Variants in FAM117B observed in about 807,000 individuals in gnomAD.
FAM117B encodes the protein protein FAM117B.
FAM117B carries 22 observed loss-of-function variants against 52.8 expected under a neutral mutation model. The observed-to-expected ratio is 0.42, with a 90% CI of 0.30 to 0.59. The LOEUF (loss-of-function observed/expected upper bound fraction) is 0.59, where lower values mean the gene tolerates loss of function less well. Among genes scored for constraint, FAM117B ranks in the 20% least tolerant of loss-of-function variants. The pLI, the probability that FAM117B is intolerant of heterozygous loss-of-function variation, is 0.22. For synonymous variants in FAM117B, 309 were observed against 324.1 expected (o/e 0.95, Z 0.50); for missense variants, 678 against 802.6 (o/e 0.84, Z 1.88).
chr2:202,758,558 T>G (rs1283933252), intron 6 of FAM117B, among the ~76,000 whole-genome samples: 1 of 152,214 alleles, frequency 6.6e-6, no homozygotes, highest in Non-Finnish European at 1.5e-5. Flanking sequence ...GCTTAGCTGG[T>G]ACAGACTGAA....
intron 2 of FAM117B, among the ~76,000 whole-genome samples, chr2:202,719,727 T>C (rs1173662954): frequency 6.6e-6 from 1 of 152,194 alleles, no homozygotes; most frequent in African/African-American, 2.4e-5. Context: ...TGTAGCAATT[T>C]CCCCTGTAAG....
intron 1 of FAM117B, among the ~76,000 whole-genome samples, chr2:202,641,367 G>C (rs1184692044): frequency 6.6e-6 from 1 of 152,188 alleles, no homozygotes; most frequent in Admixed American, 6.5e-5. Context: ...AGTAGAGAAA[G>C]AAGGGAGAGA....
intron 2 of FAM117B, among the ~76,000 whole-genome samples, chr2:202,702,342 G>A (rs1295892146): frequency 1.3e-5 from 2 of 151,974 alleles, no homozygotes; most frequent in East Asian, 3.9e-4. Flanking sequence ...TGTGAGCTGA[G>A]ATCACACCAT....
At position 202,768,134 on chromosome 2, in the gene FAM117B, T is replaced by C. The variant is rs1347482489; in HGVS notation, c.*2370T>C. The stretch of plus-strand genomic sequence containing the variant: ...GATGACTTGAATTCTGTTAAATCTG[T>C]GTTCTTGGCCTTGCACTTCCGTTCC... On this transcript the variant is annotated 3_prime_UTR_variant, in exon 8 of 8. Coordinates refer to ENST00000392238, the MANE Select transcript of FAM117B (RefSeq NM_173511.4). 2 of 152,216 alleles carry C rather than the reference T, an allele frequency of 1.3e-5. No homozygotes were observed. Among genetic ancestry groups the C allele is most frequent in the Non-Finnish European group, 2.9e-5 (2 of 68,028 alleles). 9.4% of individuals were successfully genotyped at this position (152,216 alleles called of 1,614,324 possible).
intron 1 of FAM117B, among the ~76,000 whole-genome samples, chr2:202,663,664 A>G (rs1183726684): frequency 2.0e-5 from 3 of 151,172 alleles, no homozygotes; most frequent in Non-Finnish European, 2.9e-5. Context: ...GCTCACTGCA[A>G]CCTCTGCCTC....
intron 3 of FAM117B, chr2:202,725,221 C>T: frequency 1.5e-5 from 5 of 325,704 alleles, no homozygotes; most frequent in South Asian, 1.9e-4. Context: ...GTATGTTTGT[C>T]TTTTTTTAGG....
At chr2:202,701,846 G>A (rs919428932) in intron 2 of FAM117B, among the ~76,000 whole-genome samples, 2 of 152,166 alleles carry the variant, frequency 1.3e-5, no homozygotes, top group Non-Finnish European at 2.9e-5. Flanking sequence ...AAATAAAGTG[G>A]TTTCTTGAGA....
intron 4 of FAM117B, among the ~76,000 whole-genome samples, chr2:202,746,685 T>C (rs1691638580): frequency 6.6e-6 from 1 of 151,946 alleles, no homozygotes; most frequent in East Asian, 1.9e-4. Context: ...CCTACCAAGA[T>C]TGAACCAGGA....
Position 202,744,699 on chromosome 2 carries a change from A to G in FAM117B, c.961-10839A>G, listed in dbSNP as rs957285582. 2.6e-5 allele frequency among the ~76,000 whole-genome samples: 4 copies of G among 152,310 alleles called. 1 individual carries two copies. Among genetic ancestry groups the G allele is most frequent in the Middle Eastern group, 6.8e-3 (2 of 294 alleles). ...AAAAATAAAGGAAAGTTGGCTGGGCATGGTGGCTCACGCTTGTAAATCCCA... is the reference window on the plus strand; with the variant it reads ...AAAAATAAAGGAAAGTTGGCTGGGCGTGGTGGCTCACGCTTGTAAATCCCA... On this transcript the variant is annotated intron_variant, in intron 4 of 7. Transcript: ENST00000392238.
chr2:202,729,911 T>C (rs1054695461), intron 4 of FAM117B, among the ~76,000 whole-genome samples: 1 of 152,186 alleles, frequency 6.6e-6, no homozygotes, highest in Non-Finnish European at 1.5e-5. Flanking sequence ...TATTTCATAA[T>C]GGTCATTATG....
chr2:202,635,295 G>A lies in FAM117B; in HGVS notation c.108G>A (p.Arg36=). The A allele has an allele frequency of 7.0e-7, 1 of 1,419,826 alleles. No individual in the cohort carries two copies. The highest frequency in any genetic ancestry group is 1.4e-5 in the South Asian group (1 of 70,124). The allele number at this position is 1,419,826 out of a possible 1,614,324, so 88.0% of individuals were successfully genotyped here. The change falls in exon 1 of 8, where the codon AGG becomes AGA. Residue 36 remains arginine (R), a synonymous_variant. Coordinates refer to ENST00000392238, the MANE Select transcript of FAM117B (RefSeq NM_173511.4). ...GGPGSRLQPM[R]ATVPFQLKQQ... Reference sequence around the variant, plus strand: ...CCGGGAGCCGCTTGCAGCCCATGAGGGCGACGGTTCCGTTCCAGCTGAAGC... The same window carrying A: ...CCGGGAGCCGCTTGCAGCCCATGAGAGCGACGGTTCCGTTCCAGCTGAAGC...
At chr2:202,758,556 G>T (rs1222584844) in intron 6 of FAM117B, among the ~76,000 whole-genome samples, 1 of 152,058 alleles carries the variant, frequency 6.6e-6, no homozygotes, top group Non-Finnish European at 1.5e-5. Flanking sequence ...TAGCTTAGCT[G>T]GTACAGACTG....
chr2:202,653,994 A>G (rs1345067653), intron 1 of FAM117B, among the ~76,000 whole-genome samples: 1 of 151,582 alleles, frequency 6.6e-6, no homozygotes, highest in African/African-American at 2.4e-5. Context: ...ACAGAGGTAG[A>G]CTCGTGATTG....
rs1271107708 is a variant in FAM117B at position 202,768,238 on chromosome 2, C to G, written c.*2474C>G. The stretch of plus-strand genomic sequence containing the variant: ...CTCTGTAGAGGTTTTCCCTTTTGCT[C>G]TGTTGTGCCTATTTGTCTAATTCAT... On this transcript the variant is annotated 3_prime_UTR_variant, in exon 8 of 8. Transcript: ENST00000392238. 1 of 152,140 alleles carries G rather than the reference C, an allele frequency of 6.6e-6. No homozygotes were observed. The highest frequency in any genetic ancestry group is 1.5e-5 in the Non-Finnish European group (1 of 68,026). The allele number at this position is 152,140 out of a possible 1,614,324, so 9.4% of individuals were successfully genotyped here. A position where few individuals can be genotyped will look rare whatever the true frequency, so the allele number is the denominator to read the frequency against.
chr2:202,725,192 A>G (rs1001722866), intron 3 of FAM117B, 183 bp downstream of exon 3: 3 of 434,450 alleles, frequency 6.9e-6, no homozygotes, highest in Non-Finnish European at 1.3e-5. Flanking sequence ...GGATATTTAT[A>G]TATCACTTAC....
intron 1 of FAM117B, among the ~76,000 whole-genome samples, chr2:202,677,484 A>G (rs1264757078): frequency 6.6e-6 from 1 of 152,156 alleles, no homozygotes; most frequent in Non-Finnish European, 1.5e-5. Flanking sequence ...TACCACTCTT[A>G]CAGTATTTAT....
At chr2:202,675,198 C>G (rs752248636) in intron 1 of FAM117B, among the ~76,000 whole-genome samples, 47 of 151,834 alleles carry the variant, frequency 3.1e-4, no homozygotes, top group Non-Finnish European at 5.0e-4. Context: ...TACACTCCAG[C>G]CTGGACAAAA....
chr2:202,732,323 T>G (rs571821833), intron 4 of FAM117B, among the ~76,000 whole-genome samples: 1 of 152,194 alleles, frequency 6.6e-6, no homozygotes, highest in Non-Finnish European at 1.5e-5. Context: ...CCCAAGAGAA[T>G]TGAAAATATA....
intron 4 of FAM117B, among the ~76,000 whole-genome samples, chr2:202,739,455 C>T (rs1294185067): frequency 6.9e-6 from 1 of 144,730 alleles, no homozygotes; most frequent in African/African-American, 2.6e-5. Context: ...CCCTCCCCTC[C>T]CTCCCTCCCT....
Sources: gnomAD v4.1 joint callset for allele counts (sites outside exome capture counted in the v4.1 genomes callset) on GRCh38, gnomAD v4.1.1 for gene constraint, MANE v1.5 for transcripts, NCBI Gene and HGNC (gene_info 2026-07-23, HGNC 2026-07-21) for gene names.